NMRAL1: variants seen among roughly 807,000 people sequenced by gnomAD.
NMRAL1 encodes nmrA-like family domain-containing protein 1.
NMRAL1 carries 32 observed loss-of-function variants against 27.5 expected under a neutral mutation model. That is an observed-to-expected ratio of 1.16 (90% CI 0.88 to 1.56). NMRAL1 has a LOEUF of 1.56. Ranked by LOEUF, NMRAL1 falls within the 40% of genes most tolerant of loss-of-function variation. The probability of loss-of-function intolerance (pLI) is 0.00; values close to 1 mark genes in which losing one functional copy is unlikely to be tolerated. For synonymous variants in NMRAL1, 166 were observed against 166.8 expected, an observed-to-expected ratio of 1.00 and a Z score of 0.04; for missense variants, 420 against 392.0, an observed-to-expected ratio of 1.07 and a Z score of -0.60.
chr16:4,469,209 G>C lies in NMRAL1; in HGVS notation c.279+18C>G. ...CCTAGCCTGGCCGGGCCTCCCTGCA[G>C]CTCCTGCCTGCCCTCACCTGCTTGA... On this transcript the variant is annotated intron_variant, in intron 3 of 5. Transcript: ENST00000283429. The C allele has an allele frequency of 3.8e-6, 6 of 1,584,730 alleles. No individual in the cohort carries two copies. Among genetic ancestry groups the C allele is most frequent in the Non-Finnish European group, 5.2e-6 (6 of 1,154,290 alleles).
At chr16:4,472,422 A>G (rs764163987) in intron 2 of NMRAL1, among the ~76,000 whole-genome samples, 2 of 152,172 alleles carry the variant, frequency 1.3e-5, no homozygotes, top group Non-Finnish European at 2.9e-5. Context: ...AGCCTGGGCA[A>G]CAAGAGAGAA....
At chr16:4,466,001 C>T (rs1029693835) in intron 4 of NMRAL1, 152 bp downstream of exon 4, 22 of 863,274 alleles carry the variant, frequency 2.5e-5, no homozygotes, top group Non-Finnish European at 3.6e-5. Context: ...GCTGAGGCCC[C>T]GCAAGCTGAC....
At chr16:4,476,197 T>C (rs977707455), upstream of NMRAL1, 1 of 152,370 alleles carries the variant, frequency 6.6e-6, no homozygotes, top group African/African-American at 2.4e-5. Flanking sequence ...ACCTCGGCTC[T>C]TGTGAACACT....
At chr16:4,468,565 G>A (rs1277018284) in intron 3 of NMRAL1, among the ~76,000 whole-genome samples, 2 of 149,214 alleles carry the variant, frequency 1.3e-5, no homozygotes, top group East Asian at 1.9e-4. Context: ...GCAGTGAGCC[G>A]AGATCACCCC....
At chr16:4,475,310 G>C (rs550938042), upstream of NMRAL1, among the ~76,000 whole-genome samples, 1 of 147,850 alleles carries the variant, frequency 6.8e-6, no homozygotes, top group African/African-American at 2.5e-5. Flanking sequence ...TTTTGTTTTT[G>C]TTTTTTGTTT....
chr16:4,470,505 A>G (rs1431290554), intron 2 of NMRAL1, among the ~76,000 whole-genome samples: 1 of 151,974 alleles, frequency 6.6e-6, no homozygotes, highest in African/African-American at 2.4e-5. Flanking sequence ...GTGATGTAAT[A>G]AAGTAAAAAA....
chr16:4,466,436 A>G, intron 3 of NMRAL1, 34 bp from the exon 4 acceptor site: 1 of 1,600,642 alleles, frequency 6.2e-7, no homozygotes, highest in Non-Finnish European at 8.5e-7. Flanking sequence ...CACAAGGCTC[A>G]GAAGAAGGAT....
chr16:4,469,353 A>G lies in NMRAL1; in HGVS notation c.153T>C (p.Gly51=). 1 of 1,614,110 alleles carries G rather than the reference A, an allele frequency of 6.2e-7. No homozygotes were observed. The highest frequency in any genetic ancestry group is 1.1e-5 in the South Asian group (1 of 91,086). The stretch of plus-strand genomic sequence containing the variant: ...CTTGGTCTCCCTGCACTACTTCTGC[A>G]CCTTGCAGCCTCAGCTCCTTTGCTG... ...KKAAKELRLQ[G]AEVVQGDQDD... The change falls in exon 3 of 6, where the codon GGT becomes GGC. Residue 51 remains glycine, a synonymous_variant. Transcript: ENST00000283429.
At chr16:4,473,912 C>A (rs1424655718) in intron 2 of NMRAL1, among the ~76,000 whole-genome samples, 181 bp downstream of exon 2, 3 of 150,880 alleles carry the variant, frequency 2.0e-5, no homozygotes, top group Admixed American at 6.6e-5. Context: ...GGTGACAGAG[C>A]AAAACTCCGT....
chr16:4,462,300 A>G (rs1053884398), intron 5 of NMRAL1, among the ~76,000 whole-genome samples: 1 of 151,950 alleles, frequency 6.6e-6, no homozygotes, highest in African/African-American at 2.4e-5. Flanking sequence ...CCAACACGAT[A>G]AAACCCCGTC....
rs534569403 is a variant in NMRAL1, at chr16:4,461,771, G to A, written c.*9C>T. ...CCCGATCCCCACAAGGGGCCGCGAG[G>A]CGGGCAGGTCACAGCAGGTTGAAGT... is the stretch of plus-strand genomic sequence containing the variant. On this transcript the variant is annotated 3_prime_UTR_variant, in exon 6 of 6. Coordinates refer to ENST00000283429, the MANE Select transcript of NMRAL1 (RefSeq NM_020677.6). 11 of 1,602,866 alleles carry A rather than the reference G, an allele frequency of 6.9e-6. No individual in the cohort carries two copies. Among genetic ancestry groups the A allele is most frequent in the Middle Eastern group, 3.3e-4 (2 of 5,988 alleles).
At chr16:4,471,802 GTAGCTCA>G (rs2057577459) in intron 2 of NMRAL1, among the ~76,000 whole-genome samples, 1 of 151,996 alleles carries the variant, frequency 6.6e-6, no homozygotes, top group Non-Finnish European at 1.5e-5. Flanking sequence ...GCCGGGCACA[GTAGCTCA>G]TAGCTGTAAT....
chr16:4,473,899 C>A (rs1042760472), intron 2 of NMRAL1, among the ~76,000 whole-genome samples, 194 bp downstream of exon 2: 5 of 151,944 alleles, frequency 3.3e-5, no homozygotes, highest in African/African-American at 1.2e-4. Flanking sequence ...GCACTGCAGC[C>A]TGGGTGACAG....
chr16:4,470,828 T>G (rs1203170334), intron 2 of NMRAL1, among the ~76,000 whole-genome samples: 3 of 151,648 alleles, frequency 2.0e-5, no homozygotes, highest in African/African-American at 7.3e-5. Context: ...GCGCCTGTAG[T>G]CCCAGCTACT....
At chr16:4,464,251 C>G (rs762515350) in intron 4 of NMRAL1, 1 of 227,904 alleles carries the variant, frequency 4.4e-6, no homozygotes, top group Non-Finnish European at 8.4e-6. Context: ...AGGCACCAGC[C>G]TGAAGTACTC....
In NMRAL1 at chr16:4,461,895, C is replaced by T. The variant is rs772470093; in HGVS notation, c.785G>A (p.Arg262His). 37 of 1,614,080 alleles carry T rather than the reference C, an allele frequency of 2.3e-5. No individual in the cohort carries two copies. In the Middle Eastern group the frequency reaches 4.9e-4, roughly 22 times the overall value. ...ACGGTCGGGTCTCAGGGCATAGAAA[C>T]GGAACATGTTGGCCAGGTCCCGGGC... Reference protein sequence around the residue: ...PGARDLANMFRFYALRPDRDI... With the variant: ...PGARDLANMFHFYALRPDRDI... The change falls in exon 6 of 6, where the codon CGT becomes CAT. Residue 262 changes from arginine (R) to histidine (H), a missense_variant. Transcript: ENST00000283429.
Position 4,467,363 on chromosome 16 carries a change from C to T in NMRAL1, c.280-961G>A, listed in dbSNP as rs137947281. On this transcript the variant is annotated intron_variant, in intron 3 of 5. Transcript: ENST00000283429. ...ATTCTCCTGCCTCACCCTCCTGAGT[C>T]GCTGGGACTACAGGTGCCCGCCACC... is the stretch of plus-strand genomic sequence containing the variant. 4.6e-5 allele frequency among the ~76,000 whole-genome samples: 7 copies of T among 151,256 alleles called. No individual in the cohort carries two copies. In the East Asian group the frequency reaches 5.9e-4, roughly 13 times the overall value.
At chr16:4,474,303 C>T (rs2057736261) in intron 1 of NMRAL1, 137 bp from the exon 2 acceptor site, 1 of 612,038 alleles carries the variant, frequency 1.6e-6, no homozygotes, top group Non-Finnish European at 2.9e-6. Flanking sequence ...GACGCCTGTC[C>T]CGAGATATCG....
chr16:4,475,381 C>T (rs567142834), upstream of NMRAL1, among the ~76,000 whole-genome samples: 2 of 151,504 alleles, frequency 1.3e-5, no homozygotes, highest in African/African-American at 4.8e-5. Flanking sequence ...GATCTTGGCT[C>T]ACTGCAACTT....
Sources: allele counts gnomAD v4.1 joint callset (sites outside exome capture counted in the v4.1 genomes callset), GRCh38; gene constraint gnomAD v4.1.1; transcripts MANE v1.5; gene names NCBI Gene and HGNC (gene_info 2026-07-23, HGNC 2026-07-21).